Variants in RTN1 observed in about 807,000 individuals in gnomAD.
RTN1 encodes the protein reticulon 1.
RTN1 carries 25 observed loss-of-function variants against 65.5 expected under a neutral mutation model. The ratio of observed to expected loss-of-function variants is 0.38; its 90% CI spans 0.28 to 0.53. RTN1 has a LOEUF of 0.53. Ranked by LOEUF, RTN1 falls within the 20% of genes least tolerant of loss-of-function variation. RTN1 has a pLI of 0.79. For synonymous variants in RTN1, 471 were observed against 447.6 expected, an observed-to-expected ratio of 1.05 and a Z score of -0.66; for missense variants, 983 against 1,025.4, an observed-to-expected ratio of 0.96 and a Z score of 0.57.
intron 3 of RTN1, among the ~76,000 whole-genome samples, chr14:59,669,661 A>T (rs1883459812): frequency 6.6e-6 from 1 of 152,116 alleles, no homozygotes; most frequent in African/African-American, 2.4e-5. Context: ...GATCATGAGG[A>T]GATGATGATG....
At chr14:59,745,502 G>C (rs1380279844) in intron 2 of RTN1, among the ~76,000 whole-genome samples, 1 of 152,056 alleles carries the variant, frequency 6.6e-6, no homozygotes, top group East Asian at 1.9e-4. Flanking sequence ...AGGACTTTAA[G>C]AGAAATCCCA....
intron 1 of RTN1, among the ~76,000 whole-genome samples, chr14:59,832,798 T>A (rs1887148113): frequency 6.6e-6 from 1 of 152,222 alleles, no homozygotes; most frequent in African/African-American, 2.4e-5. Context: ...CCTTATTCTG[T>A]GAAGGCTCTA....
At chr14:59,749,882 T>C (rs1247023918) in intron 1 of RTN1, among the ~76,000 whole-genome samples, 2 of 114,210 alleles carry the variant, frequency 1.8e-5, no homozygotes, top group Non-Finnish European at 3.3e-5. Context: ...TATCTATATA[T>C]ATACACATAT....
intron 1 of RTN1, among the ~76,000 whole-genome samples, chr14:59,749,406 A>T (rs62651096): frequency 1.5e-5 from 1 of 68,546 alleles, no homozygotes; most frequent in Non-Finnish European, 2.2e-5. Flanking sequence ...ATATATATCT[A>T]TATCTATATA....
intron 3 of RTN1, among the ~76,000 whole-genome samples, chr14:59,643,465 G>A (rs1395433354): frequency 2.0e-5 from 3 of 152,170 alleles, no homozygotes; most frequent in Admixed American, 6.5e-5. Context: ...TGACCCATCC[G>A]CGTTGGCCTC....
intron 1 of RTN1, among the ~76,000 whole-genome samples, chr14:59,797,387 T>G (rs1321329023): frequency 6.6e-6 from 1 of 152,014 alleles, no homozygotes; most frequent in Non-Finnish European, 1.5e-5. Context: ...TTGAAAGGAG[T>G]CAAAGTGGGG....
chr14:59,846,219 T>C lies in RTN1; in HGVS notation c.241+24171A>G, dbSNP rs965736789. ...TGTGACTTCTTCCTTACCCCACTGG[T>C]GCTTTTTTGTGGAAGAAGAAACAGA... On this transcript the variant is annotated intron_variant, in intron 1 of 8. Transcript: ENST00000267484. The surrounding 1 kb of genome is among the most constrained non-coding windows in gnomAD (Gnocchi z 4.8). Among the ~76,000 whole-genome samples, 1 of 152,130 alleles carries C rather than the reference T, an allele frequency of 6.6e-6. No homozygotes were observed. The highest frequency in any genetic ancestry group is 2.4e-5 in the African/African-American group (1 of 41,416).
chr14:59,758,396 C>G (rs1020020848), intron 1 of RTN1, among the ~76,000 whole-genome samples: 2 of 152,200 alleles, frequency 1.3e-5, no homozygotes, highest in African/African-American at 4.8e-5. Flanking sequence ...TCCTCTTCAG[C>G]AGGGTCCCAG....
chr14:59,807,313 CTAGA>C (rs1886656806), intron 1 of RTN1, among the ~76,000 whole-genome samples: 1 of 152,146 alleles, frequency 6.6e-6, no homozygotes, highest in South Asian at 2.1e-4. Context: ...ATAGGTCGGT[CTAGA>C]ACTGCTAGAA....
At position 59,870,531 on chromosome 14, in the gene RTN1, T is replaced by A; in HGVS notation, c.100A>T (p.Thr34Ser). ...GGCGCCGGCGTGGCCCCTTTCGGCG[T>A]CACCGCTTCGTTCTCCCCCTCCCCC... ...HRGEGENEAV[T>S]PKGATPAPQA... is the part of the protein sequence containing the mutation. The change falls in exon 1 of 9, where the codon ACG becomes TCG. Residue 34 changes from threonine (T) to serine (S), a missense_variant. Thr to Ser is a moderately conservative substitution (Grantham distance 58). Coordinates refer to ENST00000267484, the MANE Select transcript of RTN1 (RefSeq NM_021136.3). This position sits in a 1 kb window ranked among gnomAD's most constrained non-coding sequence, Gnocchi z 5.1. 1 of 1,458,794 alleles carries A rather than the reference T, an allele frequency of 6.9e-7. No homozygotes were observed. Among genetic ancestry groups the A allele is most frequent in the Non-Finnish European group, 9.0e-7 (1 of 1,111,228 alleles). 90.4% of individuals were successfully genotyped at this position (1,458,794 alleles called of 1,614,324 possible).
chr14:59,792,359 TCACACACA>T lies in RTN1; in HGVS notation c.242-45886_242-45879del, dbSNP rs34220909. Reference sequence around the variant, plus strand: ...AGTCTGAGAGAAAAGAGAAAAGACTTCACACACACACACACACACACACACACACACAC... The same window carrying T: ...AGTCTGAGAGAAAAGAGAAAAGACTTCACACACACACACACACACACACAC... On this transcript the variant is annotated intron_variant, in intron 1 of 8. Coordinates refer to ENST00000267484, the MANE Select transcript of RTN1 (RefSeq NM_021136.3). 5.6e-3 allele frequency among the ~76,000 whole-genome samples: 815 copies of T among 144,888 alleles called. 8 individuals carry two copies. The highest frequency in any genetic ancestry group is 0.012 in the African/African-American group (481 of 39,382).
intron 3 of RTN1, among the ~76,000 whole-genome samples, chr14:59,664,425 C>T (rs1456137817): frequency 6.6e-6 from 1 of 152,090 alleles, no homozygotes; most frequent in Non-Finnish European, 1.5e-5. Flanking sequence ...ATGTAACAAA[C>T]TTGCATGTTC....
intron 3 of RTN1, among the ~76,000 whole-genome samples, chr14:59,666,133 T>C (rs1489038808): frequency 6.6e-6 from 1 of 152,180 alleles, no homozygotes; most frequent in Non-Finnish European, 1.5e-5. Flanking sequence ...ATCAACAGAA[T>C]ATACATTATT....
chr14:59,632,117 G>T (rs985061179), intron 3 of RTN1, among the ~76,000 whole-genome samples: 10 of 152,166 alleles, frequency 6.6e-5, no homozygotes, highest in African/African-American at 1.9e-4. Context: ...ATACAAGCTT[G>T]TGGAGAAACC....
chr14:59,770,232 G>A (rs1261822442), intron 1 of RTN1, among the ~76,000 whole-genome samples: 1 of 151,716 alleles, frequency 6.6e-6, no homozygotes, highest in East Asian at 1.9e-4. Flanking sequence ...ACAAAAATTA[G>A]CTGGGCATGG....
chr14:59,870,754 G>C lies in RTN1; in HGVS notation c.-124C>G. On this transcript the variant is annotated 5_prime_UTR_variant, in exon 1 of 9. Coordinates refer to ENST00000267484, the MANE Select transcript of RTN1 (RefSeq NM_021136.3). This position sits in a 1 kb window ranked among gnomAD's most constrained non-coding sequence, Gnocchi z 5.1. ...CTCAGGGAAGCTGCGGTGTCTCAGC[G>C]TCGCCGCCGCCTCTGCTGCAACTCC... 4 of 1,085,594 alleles carry C rather than the reference G, an allele frequency of 3.7e-6. No individual in the cohort carries two copies. The South Asian group carries it at 1.4e-4, about 38-fold the overall frequency. 67.2% of individuals were successfully genotyped at this position (1,085,594 alleles called of 1,614,324 possible). A position where few individuals can be genotyped will look rare whatever the true frequency, so the allele number is the denominator to read the frequency against.
chr14:59,684,603 T>C (rs1883808178), intron 3 of RTN1, among the ~76,000 whole-genome samples: 1 of 152,136 alleles, frequency 6.6e-6, no homozygotes, highest in Non-Finnish European at 1.5e-5. Context: ...CTTTTCTTCA[T>C]GCTTTATAGG....
chr14:59,648,720 T>C (rs1882955263), intron 3 of RTN1, among the ~76,000 whole-genome samples: 1 of 152,228 alleles, frequency 6.6e-6, no homozygotes, highest in Non-Finnish European at 1.5e-5. Context: ...AGAAAAACTT[T>C]TGATAAAATT....
chr14:59,675,016 T>C (rs1272492967), intron 3 of RTN1, among the ~76,000 whole-genome samples: 1 of 151,174 alleles, frequency 6.6e-6, no homozygotes, highest in Admixed American at 6.6e-5. Context: ...AAGTCACACA[T>C]GAAAACAATA....
Sources: gnomAD v4.1 joint callset for allele counts (sites outside exome capture counted in the v4.1 genomes callset) on GRCh38, gnomAD v4.1.1 for gene constraint, Gnocchi (gnomAD v3.1) non-coding constraint, MANE v1.5 for transcripts, NCBI Gene and HGNC (gene_info 2026-07-23, HGNC 2026-07-21) for gene names.